SCN7A: variants seen among roughly 807,000 people sequenced by gnomAD.
SCN7A encodes the protein sodium voltage-gated channel alpha subunit 7.
SCN7A carries 138 observed loss-of-function variants against 155.2 expected under a neutral mutation model. The ratio of observed to expected loss-of-function variants is 0.89; its 90% CI spans 0.77 to 1.02. SCN7A has a LOEUF of 1.02. Among genes scored for constraint, SCN7A ranks in the 50% least tolerant of loss-of-function variants. SCN7A has a pLI of 0.00. For missense variants in SCN7A, 2,058 were observed against 1,986.6 expected (o/e 1.04, Z -0.68); for synonymous variants, 693 against 649.0 (o/e 1.07, Z -1.03).
rs1701045113 is a variant in SCN7A at position 166,405,427 on chromosome 2, A to C, written c.*153T>G. 1 of 605,640 alleles carries C rather than the reference A, an allele frequency of 1.7e-6. No homozygotes were observed. The highest frequency in any genetic ancestry group is 3.4e-5 in the Admixed American group (1 of 28,996). 37.5% of individuals were successfully genotyped at this position (605,640 alleles called of 1,614,324 possible). ...TTGATTTGTTAGATATAATGCTAAA[A>C]AGTGAATTTGGCATGAAGTCTTGTG... On this transcript the variant is annotated 3_prime_UTR_variant, in exon 26 of 26. Coordinates refer to ENST00000643258, the MANE Select transcript of SCN7A (RefSeq NM_002976.4).
rs1295351640 is a variant in SCN7A, at chr2:166,486,898, C to A, written c.-57G>T. ...TTCTCCAGAAGATCCACACTCTTTT[C>A]ATATCTTTGGGCACTAGTTTTCCCT... On this transcript the variant is annotated 5_prime_UTR_variant, in exon 2 of 26. The change abolishes an upstream ATG in the 5' untranslated region. Transcript: ENST00000643258. 6.6e-6 allele frequency: 1 copy of A among 152,244 alleles called. No individual in the cohort carries two copies. The highest frequency in any genetic ancestry group is 1.5e-5 in the Non-Finnish European group (1 of 68,070). The allele number at this position is 152,244 out of a possible 1,614,324, so 9.4% of individuals were successfully genotyped here.
intron 10 of SCN7A, among the ~76,000 whole-genome samples, chr2:166,458,348 C>G (rs942533601): frequency 1.3e-5 from 2 of 151,226 alleles, no homozygotes; most frequent in African/African-American, 4.9e-5. Context: ...AAAAAAGTAC[C>G]CTTTAGGCCA....
At chr2:166,452,394 A>G (rs918660768) in intron 11 of SCN7A, among the ~76,000 whole-genome samples, 1 of 152,094 alleles carries the variant, frequency 6.6e-6, no homozygotes, top group East Asian at 1.9e-4. Context: ...TAATAGCTAG[A>G]AACACATAAT....
At chr2:166,418,293 T>TTTCTTTTTTTTC (rs1701434563) in intron 20 of SCN7A, among the ~76,000 whole-genome samples, 3 of 140,970 alleles carry the variant, frequency 2.1e-5, no homozygotes, top group Admixed American at 2.1e-4. Flanking sequence ...GCTTTTTTTT[T>TTTCTTTTTTTTC]TTTTTTTTTT....
rs981975445 is a variant in SCN7A at position 166,471,505 on chromosome 2, T to A, written c.573-799A>T. Among the ~76,000 whole-genome samples, 3 of 151,824 alleles carry A rather than the reference T, an allele frequency of 2.0e-5. No homozygotes were observed. In the East Asian group the frequency reaches 5.8e-4, roughly 29 times the overall value. On this transcript the variant is annotated intron_variant, in intron 6 of 25. Transcript: ENST00000643258. The stretch of plus-strand genomic sequence containing the variant: ...AATTACAGTGATATGAGACACTATG[T>A]TAGATTGCTTACAACATAGCAGACA...
At chr2:166,422,600 T>C (rs1414440657) in intron 19 of SCN7A, among the ~76,000 whole-genome samples, 1 of 152,138 alleles carries the variant, frequency 6.6e-6, no homozygotes, top group Non-Finnish European at 1.5e-5. Context: ...AGGCTGGTGC[T>C]GGTGGATCAG....
chr2:166,426,417 C>T (rs1043630312), intron 18 of SCN7A, among the ~76,000 whole-genome samples: 1 of 151,918 alleles, frequency 6.6e-6, no homozygotes, highest in African/African-American at 2.4e-5. Context: ...GGGGTCTTTG[C>T]TCCCAGAATA....
chr2:166,462,348 G>A lies in SCN7A; in HGVS notation c.1083+41C>T, dbSNP rs1255500252. 3 of 1,538,962 alleles carry A rather than the reference G, an allele frequency of 1.9e-6. No homozygotes were observed. In the African/African-American group the frequency reaches 4.1e-5, roughly 21 times the overall value. On this transcript the variant is annotated intron_variant, in intron 10 of 25. Coordinates refer to ENST00000643258, the MANE Select transcript of SCN7A (RefSeq NM_002976.4). ...CCATTATCTTAGAAGCAAGGGCATG[G>A]TGCCATTCCTAAGTACAGTACAATT... is the stretch of plus-strand genomic sequence containing the variant.
intron 15 of SCN7A, among the ~76,000 whole-genome samples, chr2:166,433,844 A>AT (rs1326461718): frequency 6.6e-6 from 1 of 152,174 alleles, no homozygotes; most frequent in Non-Finnish European, 1.5e-5. Context: ...ATTTGGTCAA[A>AT]TAAGAAACAG....
intron 11 of SCN7A, among the ~76,000 whole-genome samples, chr2:166,454,745 GA>G (rs1702241153): frequency 6.6e-6 from 1 of 152,130 alleles, no homozygotes; most frequent in Admixed American, 6.6e-5. Flanking sequence ...TCAAAGAAGA[GA>G]TGTGAGATTG....
chr2:166,417,479 A>G (rs1701405388), intron 20 of SCN7A, among the ~76,000 whole-genome samples: 1 of 152,126 alleles, frequency 6.6e-6, no homozygotes, highest in Non-Finnish European at 1.5e-5. Flanking sequence ...TCCCCCCACA[A>G]AAAAGAAAAT....
chr2:166,481,215 C>T (rs1702918525), intron 2 of SCN7A, among the ~76,000 whole-genome samples: 1 of 152,070 alleles, frequency 6.6e-6, no homozygotes, highest in Non-Finnish European at 1.5e-5. Context: ...TTCTAAGAAA[C>T]CTCAGTCAAA....
chr2:166,461,468 T>C (rs1010409120), intron 10 of SCN7A, among the ~76,000 whole-genome samples: 1 of 152,192 alleles, frequency 6.6e-6, no homozygotes, highest in African/African-American at 2.4e-5. Context: ...CTCTCAGAAT[T>C]TGAATTTCAA....
chr2:166,484,564 AT>A (rs1703003705), intron 2 of SCN7A, among the ~76,000 whole-genome samples: 1 of 148,466 alleles, frequency 6.7e-6, no homozygotes, highest in South Asian at 2.1e-4. Context: ...ATGATTTATG[AT>A]TTAAAAATCT....
At chr2:166,422,995 T>C (rs1429505502) in intron 19 of SCN7A, among the ~76,000 whole-genome samples, 1 of 152,162 alleles carries the variant, frequency 6.6e-6, no homozygotes, top group African/African-American at 2.4e-5. Flanking sequence ...ATCATCAAGA[T>C]ACTGTGCAAC....
In SCN7A at chr2:166,406,101, A is replaced by G; in HGVS notation, c.4528T>C (p.Leu1510=). The change falls in exon 26 of 26, where the codon TTG becomes CTG. Residue 1510 remains leucine (L), a synonymous_variant. Transcript: ENST00000643258. Reference sequence around the variant, plus strand: ...AATTTCCTAAAATCATCTTCACTCAAGGTCTTGTTTTTCTTCTTAGAAGCA... The same window carrying G: ...AATTTCCTAAAATCATCTTCACTCAGGGTCTTGTTTTTCTTCTTAGAAGCA... ...NIASKKKNKT[L]SEDDFRKFFQ... 6.2e-7 allele frequency: 1 copy of G among 1,612,218 alleles called. No individual in the cohort carries two copies. Among genetic ancestry groups the G allele is most frequent in the Non-Finnish European group, 8.5e-7 (1 of 1,178,994 alleles).
Position 166,423,729 on chromosome 2 carries a change from C to T in SCN7A, c.2854-297G>A, listed in dbSNP as rs181133938. On this transcript the variant is annotated intron_variant, in intron 18 of 25. Transcript: ENST00000643258. ...GCGATCCAAAAATCCCCTCCAAAAT[C>T]AGTTAATCAAACTTAACACAAGAGT... Among the ~76,000 whole-genome samples the T allele has an allele frequency of 3.8e-3, 571 of 152,184 alleles. 5 individuals carry two copies. The highest frequency in any genetic ancestry group is 0.013 in the African/African-American group (554 of 41,542).
intron 10 of SCN7A, among the ~76,000 whole-genome samples, chr2:166,461,544 A>C (rs980221697): frequency 2.0e-4 from 31 of 152,344 alleles, no homozygotes; most frequent in East Asian, 3.9e-4. Context: ...CTGGATAAGA[A>C]GAAATAGAAG....
intron 20 of SCN7A, among the ~76,000 whole-genome samples, chr2:166,417,201 T>C (rs1209176739): frequency 1.3e-5 from 2 of 152,040 alleles, no homozygotes; most frequent in East Asian, 1.9e-4. Context: ...AGGCTGGGCG[T>C]GGTGGCTCAC....
Sources: allele counts gnomAD v4.1 joint callset (sites outside exome capture counted in the v4.1 genomes callset), GRCh38; gene constraint gnomAD v4.1.1; transcripts MANE v1.5; gene names NCBI Gene and HGNC (gene_info 2026-07-23, HGNC 2026-07-21).